The following SLC4A8 variants were observed in gnomAD, a reference collection of about 807,000 sequenced individuals.
SLC4A8 encodes solute carrier family 4 member 8, also known as electroneutral sodium bicarbonate exchanger 1.
In SLC4A8, 40 loss-of-function variants were observed where a neutral mutation model predicts 125.0. The ratio of observed to expected loss-of-function variants is 0.32; its 90% CI spans 0.25 to 0.42. The LOEUF is 0.42. Ranked by LOEUF, SLC4A8 falls within the 10% of genes least tolerant of loss-of-function variation. SLC4A8 has a pLI of 1.00. For synonymous variants in SLC4A8, 456 were observed against 476.0 expected (o/e 0.96, Z 0.55); for missense variants, 863 against 1,355.1 (o/e 0.64, Z 5.70).
chr12:51,399,331 C>T (rs1248898706), intron 1 of SLC4A8, among the ~76,000 whole-genome samples: 2 of 151,800 alleles, frequency 1.3e-5, no homozygotes, highest in Admixed American at 6.6e-5. Flanking sequence ...AGTCTCCCTC[C>T]TTCTCCCATC....
intron 23 of SLC4A8, 106 bp downstream of exon 23, chr12:51,504,226 A>G (rs1189644290): frequency 1.9e-5 from 14 of 719,910 alleles, no homozygotes; most frequent in Middle Eastern, 2.3e-4. Flanking sequence ...ATAAAGAGCT[A>G]AATATTCAGC....
At chr12:51,480,560 T>C in intron 16 of SLC4A8, 1 of 987,760 alleles carries the variant, frequency 1.0e-6, no homozygotes, top group Non-Finnish European at 1.2e-6. Flanking sequence ...TAAATATCTT[T>C]TGATTTCCAT....
intron 17 of SLC4A8, 128 bp from the exon 18 acceptor site, chr12:51,488,571 C>CT (rs10706140): frequency 0.021 from 10,669 of 505,994 alleles, 1 homozygote; most frequent in Middle Eastern, 0.03. Flanking sequence ...TATTTCATGC[C>CT]TTTTTTTTTT....
At chr12:51,406,687 TG>T (rs1280230195) in intron 1 of SLC4A8, among the ~76,000 whole-genome samples, 1 of 152,208 alleles carries the variant, frequency 6.6e-6, no homozygotes, top group Non-Finnish European at 1.5e-5. Context: ...GCAAATAACA[TG>T]CCCCTGTTAG....
At chr12:51,401,834 C>T (rs1948399831) in intron 1 of SLC4A8, among the ~76,000 whole-genome samples, 1 of 152,164 alleles carries the variant, frequency 6.6e-6, no homozygotes, top group Non-Finnish European at 1.5e-5. Context: ...CATATCAACT[C>T]TTCAATGCAG....
chr12:51,413,544 T>A (rs529448106), intron 1 of SLC4A8, among the ~76,000 whole-genome samples: 1 of 152,348 alleles, frequency 6.6e-6, no homozygotes, highest in East Asian at 1.9e-4. Flanking sequence ...GTATTTATAG[T>A]TCCTGGTCTT....
chr12:51,406,509 T>C (rs190564544), intron 1 of SLC4A8, among the ~76,000 whole-genome samples: 85 of 152,020 alleles, frequency 5.6e-4, no homozygotes, highest in African/African-American at 2.0e-3. Flanking sequence ...GGTGGTGGCA[T>C]GAAGAGGGGA....
chr12:51,474,929 C>A, intron 15 of SLC4A8, 116 bp from the exon 16 acceptor site: 1 of 940,022 alleles, frequency 1.1e-6, no homozygotes, highest in Non-Finnish European at 1.6e-6. Context: ...GGGGATGCTG[C>A]TTGCAGCCTC....
intron 4 of SLC4A8, 90 bp from the exon 5 acceptor site, chr12:51,453,449 A>T (rs1002290037): frequency 6.1e-6 from 8 of 1,309,210 alleles, no homozygotes; most frequent in African/African-American, 1.5e-5. Flanking sequence ...GACTATCCAG[A>T]TATCTTCCTC....
Position 51,452,179 on chromosome 12 carries a change from T to G in SLC4A8, c.333T>G (p.His111Gln). The G allele has an allele frequency of 6.2e-7, 1 of 1,614,098 alleles. No homozygotes were observed. The change falls in exon 4 of 25, where the codon CAT becomes CAG. Residue 111 changes from histidine to glutamine, a missense_variant. Around this residue, in one of 6 missense-constraint regions of SLC4A8, gnomAD observed 390 missense variants for 634.4 expected, o/e 0.61. Coordinates refer to ENST00000453097, the MANE Select transcript of SLC4A8 (RefSeq NM_001039960.3). ...FILGTEEDEE[H>Q]VPHELFTELD... ...TTGGCACCGAGGAAGATGAAGAGCA[T>G]GTGCCTCATGAGCTGTTTACAGAGC...
intron 22 of SLC4A8, among the ~76,000 whole-genome samples, chr12:51,501,578 CCA>C (rs1305223368): frequency 6.6e-6 from 1 of 152,140 alleles, no homozygotes; most frequent in African/African-American, 2.4e-5. Flanking sequence ...TGGGTTGATT[CCA>C]TTTCTTTGCT....
chr12:51,462,483 G>A (rs1950360360), intron 10 of SLC4A8, 27 bp downstream of exon 10: 2 of 1,527,936 alleles, frequency 1.3e-6, no homozygotes, highest in Admixed American at 2.2e-5. Flanking sequence ...AGCCAATGTG[G>A]CTATTGTCAC....
At chr12:51,498,879 CAAAAAAAA>C (rs1179044009) in intron 22 of SLC4A8, among the ~76,000 whole-genome samples, 1 of 35,902 alleles carries the variant, frequency 2.8e-5, no homozygotes, top group Non-Finnish European at 4.4e-5. Flanking sequence ...GATCCTGTCT[CAAAAAAAA>C]AAAAAAAAAA....
intron 1 of SLC4A8, among the ~76,000 whole-genome samples, chr12:51,405,855 G>A (rs537117888): frequency 6.6e-6 from 1 of 152,312 alleles, no homozygotes; most frequent in East Asian, 1.9e-4. Flanking sequence ...CTAGGAGAGT[G>A]ATGATCATCA....
intron 1 of SLC4A8, among the ~76,000 whole-genome samples, chr12:51,427,552 G>C (rs1241857219): frequency 6.6e-6 from 1 of 152,160 alleles, no homozygotes; most frequent in African/African-American, 2.4e-5. Flanking sequence ...ATGGAAATTT[G>C]AGAGATAGGG....
At chr12:51,476,269 G>C (rs1189868224) in intron 16 of SLC4A8, among the ~76,000 whole-genome samples, 1 of 152,148 alleles carries the variant, frequency 6.6e-6, no homozygotes, top group East Asian at 1.9e-4. Context: ...ATCATCTGAG[G>C]TCAGGAGTTT....
At chr12:51,478,229 C>T (rs997347987) in intron 16 of SLC4A8, among the ~76,000 whole-genome samples, 8 of 148,956 alleles carry the variant, frequency 5.4e-5, no homozygotes, top group Admixed American at 1.3e-4. Context: ...GAGCCAAGAT[C>T]GTGCCACTGC....
In SLC4A8 at chr12:51,513,167, G is replaced by A. The variant is rs1372172880; in HGVS notation, c.*5729G>A. 1 of 152,138 alleles carries A rather than the reference G, an allele frequency of 6.6e-6. No homozygotes were observed. Among genetic ancestry groups the A allele is most frequent in the East Asian group, 1.9e-4 (1 of 5,194 alleles). The allele number at this position is 152,138 out of a possible 1,614,324, so 9.4% of individuals were successfully genotyped here. The stretch of plus-strand genomic sequence containing the variant: ...TTGCTAGCCATAACTTTTAGGGAAG[G>A]GTAGGTCTGGAGAGAAGGTGAAGAC... On this transcript the variant is annotated 3_prime_UTR_variant, in exon 25 of 25. Transcript: ENST00000453097.
intron 1 of SLC4A8, chr12:51,407,873 T>A (rs900467660): frequency 6.6e-6 from 1 of 152,264 alleles, no homozygotes; most frequent in African/African-American, 2.4e-5. Flanking sequence ...GCTGAAGAAA[T>A]CTACAAGGCC....
Sources: allele counts gnomAD v4.1 joint callset (sites outside exome capture counted in the v4.1 genomes callset), GRCh38; gene constraint gnomAD v4.1.1; regional missense constraint gnomAD v4.1.1; transcripts MANE v1.5; gene names NCBI Gene and HGNC (gene_info 2026-07-23, HGNC 2026-07-21).